PIGN: variants seen among roughly 807,000 people sequenced by gnomAD.
The protein encoded by PIGN is GPI ethanolamine phosphate transferase 1.
A neutral mutation model predicts 125.4 loss-of-function variants in PIGN; 117 were observed. The observed-to-expected ratio is 0.93, with a 90% CI of 0.80 to 1.09. The LOEUF is 1.09. PIGN is among the 50% of genes least tolerant of loss of function. The pLI, the probability that PIGN is intolerant of heterozygous loss-of-function variation, is 0.00. For missense variants in PIGN, 1,075 were observed against 1,094.9 expected, an observed-to-expected ratio of 0.98 and a Z score of 0.26; for synonymous variants, 392 against 377.8, an observed-to-expected ratio of 1.04 and a Z score of -0.44.
rs2036663334 is a variant in PIGN, at chr18:62,154,787, A to G, written c.443-136T>C. On this transcript the variant is annotated intron_variant, in intron 6 of 30. Coordinates refer to ENST00000640252, the MANE Select transcript of PIGN (RefSeq NM_176787.5). Reference sequence around the variant, plus strand: ...CATTGTTCATTATGATGGGGAAGAGAAAAATGGGAGGAATAATTAACATTT... The same window carrying G: ...CATTGTTCATTATGATGGGGAAGAGGAAAATGGGAGGAATAATTAACATTT... 9 of 615,312 alleles carry G rather than the reference A, an allele frequency of 1.5e-5. No homozygotes were observed. In the East Asian group the frequency reaches 2.5e-4, roughly 17 times the overall value. 38.1% of individuals were successfully genotyped at this position (615,312 alleles called of 1,614,324 possible). A position where few individuals can be genotyped will look rare whatever the true frequency, so the allele number is the denominator to read the frequency against.
At chr18:62,084,674 A>G in intron 26 of PIGN, 68 bp from the exon 27 acceptor site, 1 of 995,910 alleles carries the variant, frequency 1.0e-6, no homozygotes, top group South Asian at 1.4e-5. Flanking sequence ...TATTCTTCTA[A>G]AAAGATGTTT....
intron 28 of PIGN, 127 bp downstream of exon 28, chr18:62,082,546 C>A (rs1054744654): frequency 1.9e-6 from 1 of 514,132 alleles, no homozygotes; most frequent in Non-Finnish European, 3.5e-6. Context: ...TGAAAATTTT[C>A]TCATTTTTGT....
intron 1 of PIGN, chr18:62,174,325 A>T (rs1469359777): frequency 6.6e-6 from 1 of 152,154 alleles, no homozygotes; most frequent in Non-Finnish European, 1.5e-5. Context: ...AGTTTTACAT[A>T]CCAAATTATA....
At chr18:62,072,874 C>T in intron 29 of PIGN, 149 bp from the exon 30 acceptor site, 1 of 550,024 alleles carries the variant, frequency 1.8e-6, no homozygotes, top group East Asian at 3.0e-5. Context: ...TTTACTGAAA[C>T]TTTTGCTTGG....
intron 1 of PIGN, chr18:62,186,315 C>G (rs2038007733): frequency 6.6e-6 from 1 of 152,412 alleles, no homozygotes. Flanking sequence ...TCCCAAAGTG[C>G]TGGGATTACA....
chr18:62,161,360 T>G lies in PIGN; in HGVS notation c.-7A>C, dbSNP rs1314315882. The G allele has an allele frequency of 9.4e-6, 15 of 1,593,098 alleles. No homozygotes were observed. The highest frequency in any genetic ancestry group is 1.3e-5 in the African/African-American group (1 of 74,588). On this transcript the variant is annotated 5_prime_UTR_variant, in exon 4 of 31. Transcript: ENST00000640252. ...AAGTAAAGAACAGCAGCATATCCAG[T>G]GTAACTAATTAGTCTTCAAGAACAG... is the stretch of plus-strand genomic sequence containing the variant.
intron 10 of PIGN, among the ~76,000 whole-genome samples, 154 bp downstream of exon 10, chr18:62,145,755 C>T (rs769279373): frequency 1.4e-4 from 21 of 152,166 alleles, no homozygotes; most frequent in Non-Finnish European, 2.8e-4. Flanking sequence ...GAGAAGCCAA[C>T]AACCCCTTGT....
chr18:62,100,826 G>A, intron 22 of PIGN, among the ~76,000 whole-genome samples: 1 of 152,082 alleles, frequency 6.6e-6, no homozygotes, highest in South Asian at 2.1e-4. Context: ...AATCTTATGA[G>A]ATGTTAATAA....
intron 14 of PIGN, among the ~76,000 whole-genome samples, chr18:62,119,762 T>C (rs912980291): frequency 6.6e-6 from 1 of 151,042 alleles, no homozygotes; most frequent in African/African-American, 2.4e-5. Flanking sequence ...GAGAATTGCT[T>C]GAACCTGAGA....
At chr18:62,071,389 C>G (rs2032836696) in intron 30 of PIGN, among the ~76,000 whole-genome samples, 3 of 152,158 alleles carry the variant, frequency 2.0e-5, no homozygotes, top group Non-Finnish European at 4.4e-5. Flanking sequence ...CACAGCATTC[C>G]ATGTAAACAT....
intron 14 of PIGN, among the ~76,000 whole-genome samples, chr18:62,128,615 A>G (rs1263383108): frequency 6.6e-6 from 1 of 152,136 alleles, no homozygotes; most frequent in Admixed American, 6.6e-5. Context: ...AAAAGAAAAG[A>G]AAAAAAGGTA....
chr18:62,153,304 T>C (rs2036604626), intron 7 of PIGN: 1 of 152,224 alleles, frequency 6.6e-6, no homozygotes, highest in African/African-American at 2.4e-5. Flanking sequence ...TGACTTCATA[T>C]TTTCATTATA....
intron 23 of PIGN, among the ~76,000 whole-genome samples, chr18:62,095,156 T>G (rs1304442998): frequency 2.0e-5 from 3 of 152,252 alleles, no homozygotes; most frequent in Admixed American, 6.5e-5. Flanking sequence ...TGGTGTTTAT[T>G]CACTGTTTGT....
chr18:62,018,191 C>T (rs1378796709), intron 23 of PIGN, among the ~76,000 whole-genome samples: 3 of 152,214 alleles, frequency 2.0e-5, no homozygotes, highest in East Asian at 3.8e-4. Context: ...TGGCTCCGGC[C>T]TGCCCTGGGA....
In PIGN at chr18:62,045,640, C is replaced by A; in HGVS notation, c.*216G>T. On this transcript the variant is annotated 3_prime_UTR_variant, in exon 31 of 31. Coordinates refer to ENST00000640252, the MANE Select transcript of PIGN (RefSeq NM_176787.5). The stretch of plus-strand genomic sequence containing the variant: ...AGGAGAATGCCTTCCTATGCTTTTC[C>A]ACAGATATAATCACTATTTCATGCC... The A allele has an allele frequency of 2.5e-6, 1 of 400,852 alleles. No homozygotes were observed. Among genetic ancestry groups the A allele is most frequent in the Middle Eastern group, 7.3e-4 (1 of 1,372 alleles). The allele number at this position is 400,852 out of a possible 1,614,324, so 24.8% of individuals were successfully genotyped here.
chr18:62,096,407 A>G (rs2034190724), intron 22 of PIGN, among the ~76,000 whole-genome samples: 1 of 151,956 alleles, frequency 6.6e-6, no homozygotes, highest in Non-Finnish European at 1.5e-5. Flanking sequence ...GTCAAGCCTC[A>G]CATTTTTAAT....
At position 62,044,911 on chromosome 18, in the gene PIGN, T is replaced by C. The variant is rs1190096470; in HGVS notation, c.*945A>G. 1 of 152,142 alleles carries C rather than the reference T, an allele frequency of 6.6e-6. No individual in the cohort carries two copies. The highest frequency in any genetic ancestry group is 1.5e-5 in the Non-Finnish European group (1 of 68,028). 9.4% of individuals were successfully genotyped at this position (152,142 alleles called of 1,614,324 possible). On this transcript the variant is annotated 3_prime_UTR_variant, in exon 31 of 31. Transcript: ENST00000640252. ...ATTAGAATTTGTTTACAAATGGAAA[T>C]CTAATTTGATGATTTTAGGCCTTTG... is the stretch of plus-strand genomic sequence containing the variant.
chr18:62,027,613 C>T (rs997029783), intron 23 of PIGN, among the ~76,000 whole-genome samples: 1 of 152,180 alleles, frequency 6.6e-6, no homozygotes, highest in Non-Finnish European at 1.5e-5. Context: ...AAGGAGGCAA[C>T]CAGATATGCA....
chr18:62,071,785 T>A (rs1037225513), intron 30 of PIGN, among the ~76,000 whole-genome samples: 2 of 149,078 alleles, frequency 1.3e-5, no homozygotes, highest in African/African-American at 2.5e-5. Flanking sequence ...TATCTGATAA[T>A]GACAATAAAC....
Sources: allele counts gnomAD v4.1 joint callset (sites outside exome capture counted in the v4.1 genomes callset), GRCh38; gene constraint gnomAD v4.1.1; transcripts MANE v1.5; gene names NCBI Gene and HGNC (gene_info 2026-07-23, HGNC 2026-07-21).